The following CATSPER2 variants were observed in gnomAD, a reference collection of about 807,000 sequenced individuals.
The protein encoded by CATSPER2 is cation channel sperm associated 2, also known as cation channel sperm-associated protein 2.
In CATSPER2, 56 loss-of-function variants were observed where a neutral mutation model predicts 68.8. That is an observed-to-expected ratio of 0.81 (90% CI 0.66 to 1.02). The LOEUF (loss-of-function observed/expected upper bound fraction) is 1.02, where lower values mean the gene tolerates loss of function less well. Ranked by LOEUF, CATSPER2 falls within the 50% of genes least tolerant of loss-of-function variation. The probability of loss-of-function intolerance (pLI) is 0.00; values close to 1 mark genes in which losing one functional copy is unlikely to be tolerated. For synonymous variants in CATSPER2, 198 were observed against 229.9 expected (o/e 0.86, Z 1.26); for missense variants, 582 against 642.0 (o/e 0.91, Z 1.01).
intron 4 of CATSPER2, among the ~76,000 whole-genome samples, chr15:43,644,648 G>A: frequency 6.6e-6 from 1 of 151,890 alleles, no homozygotes. Flanking sequence ...TCACAGGAGG[G>A]CGAGCCCTAT....
rs767512321 is a variant in CATSPER2, at chr15:43,647,138, T to C, written c.320-20A>G. ...GAGGACCTGTTGTCTCTTAAGGAAA[T>C]GTACAGAGTGGAGTTCTTTCTGATT... On this transcript the variant is annotated intron_variant, in intron 3 of 12. Transcript: ENST00000396879. 24 of 1,603,148 alleles carry C rather than the reference T, an allele frequency of 1.5e-5. 2 individuals carry two copies. The highest frequency in any genetic ancestry group is 6.7e-5 in the African/African-American group (5 of 74,600).
chr15:43,645,115 G>A (rs779471751), intron 4 of CATSPER2, among the ~76,000 whole-genome samples: 7 of 151,780 alleles, frequency 4.6e-5, no homozygotes, highest in African/African-American at 1.2e-4. Context: ...CTGGAGTTCC[G>A]TTGCATGATG....
At chr15:43,638,509 G>A (rs953034995) in intron 7 of CATSPER2, among the ~76,000 whole-genome samples, 3 of 151,358 alleles carry the variant, frequency 2.0e-5, no homozygotes, top group African/African-American at 4.9e-5. Flanking sequence ...GGATGGTCTC[G>A]ATCTCTTTAC....
Position 43,630,731 on chromosome 15 carries a change from C to T in CATSPER2, c.1563G>A (p.Val521=), listed in dbSNP as rs1166378492. ...EERKKLQEFA[V]QALMNLEDK ...TGTCTTCCAAGTTCATCAGTGCCTG[C>T]ACTGCAAAGGAAACAGATTGTGAGG... The change falls in exon 13 of 13, where the codon GTG becomes GTA. Residue 521 remains valine, a splice_region_variant and synonymous_variant. Coordinates refer to ENST00000396879, the MANE Select transcript of CATSPER2 (RefSeq NM_172095.4). 10 of 1,612,244 alleles carry T rather than the reference C, an allele frequency of 6.2e-6. No homozygotes were observed. Among genetic ancestry groups the T allele is most frequent in the East Asian group, 2.2e-5 (1 of 44,832 alleles).
intron 4 of CATSPER2, among the ~76,000 whole-genome samples, chr15:43,643,887 C>T (rs1567132319): frequency 6.6e-6 from 1 of 151,852 alleles, no homozygotes; most frequent in Non-Finnish European, 1.5e-5. Flanking sequence ...CTTGCTCTGT[C>T]ACCCAGGCTG....
rs953957165 is a variant in CATSPER2 at position 43,634,464 on chromosome 15, C to CCT, written c.1178+895_1178+896insAG. The CCT allele has an allele frequency of 1.6e-4, 25 of 152,072 alleles. 1 individual carries two copies. Among genetic ancestry groups the CCT allele is most frequent in the African/African-American group, 5.8e-4 (24 of 41,446 alleles). The allele number at this position is 152,072 out of a possible 1,614,324, so 9.4% of individuals were successfully genotyped here. On this transcript the variant is annotated intron_variant, in intron 10 of 12. Transcript: ENST00000396879. ...CTCCTGAGCTCAAGTCATCTGCCCA[C>CCT]CAGTTTTCCAAAATGCTGGTATTAC...
Position 43,639,767 on chromosome 15 carries a change from C to G in CATSPER2, c.593G>C (p.Gly198Ala), listed in dbSNP as rs1203218524. 1.2e-6 allele frequency: 2 copies of G among 1,611,554 alleles called. No individual in the cohort carries two copies. ...AAGCCACACCGATTGGCCTGTTACCCCTACCAATACCACAACCTCGGGAAG... is the reference window on the plus strand; with the variant it reads ...AAGCCACACCGATTGGCCTGTTACCGCTACCAATACCACAACCTCGGGAAG... The part of the protein sequence containing the change: ...SLLPEVVVLV[G>A]VTGQSVWLQL... The change falls in exon 6 of 13, where the codon GGG (glycine) becomes GCG (alanine). Residue 198 changes from glycine (G) to alanine (A), a missense_variant. Physicochemically the swap from Gly to Ala is moderately conservative, Grantham distance 60. Transcript: ENST00000396879.
At position 43,635,720 on chromosome 15, in the gene CATSPER2, A is replaced by T; in HGVS notation, c.1121+7T>A. 6.2e-7 allele frequency: 1 copy of T among 1,610,738 alleles called. No individual in the cohort carries two copies. Among genetic ancestry groups the T allele is most frequent in the Non-Finnish European group, 8.5e-7 (1 of 1,177,474 alleles). Reference sequence around the variant, plus strand: ...GGAAAGTTGGGGTTGAAAAGGGAGAAGCAGACCTCTGGATGATCTGCCGCT... The same window carrying T: ...GGAAAGTTGGGGTTGAAAAGGGAGATGCAGACCTCTGGATGATCTGCCGCT... On this transcript the variant is annotated splice_region_variant and intron_variant, in intron 9 of 12. Transcript: ENST00000396879.
intron 10 of CATSPER2, 109 bp downstream of exon 10, chr15:43,635,251 T>C (rs1277487729): frequency 4.0e-6 from 4 of 1,010,662 alleles, no homozygotes; most frequent in South Asian, 1.3e-5. Context: ...TACTACAATA[T>C]GCAGTTATTA....
In CATSPER2 at chr15:43,647,095, T is replaced by A. The variant is rs1296296574; in HGVS notation, c.343A>T (p.Ile115Phe). The stretch of plus-strand genomic sequence containing the variant: ...ATCGTATTCAAAAAGACCAGGAAGA[T>A]GATGAAGTTTTTGAAGAGAGGACCT... The part of the protein sequence containing the change: ...LECPLFKNFI[I>F]FLVFLNTIIL... Residue 115 changes from isoleucine to phenylalanine, a missense_variant, in exon 4 of 13, where the codon ATC becomes TTC. Ile to Phe is a conservative substitution (Grantham distance 21). Coordinates refer to ENST00000396879, the MANE Select transcript of CATSPER2 (RefSeq NM_172095.4). 1 of 1,612,892 alleles carries A rather than the reference T, an allele frequency of 6.2e-7. No homozygotes were observed. The highest frequency in any genetic ancestry group is 8.5e-7 in the Non-Finnish European group (1 of 1,179,130).
intron 4 of CATSPER2, among the ~76,000 whole-genome samples, chr15:43,641,103 G>A (rs973069078): frequency 1.4e-5 from 2 of 146,598 alleles, no homozygotes; most frequent in African/African-American, 5.3e-5. Flanking sequence ...CTTTTGTTTT[G>A]TTTTGTTTTT....
chr15:43,637,711 T>C lies in CATSPER2; in HGVS notation c.842+1193A>G, dbSNP rs1253935918. The C allele has an allele frequency of 2.5e-4, 38 of 152,040 alleles. 1 individual carries two copies. Among genetic ancestry groups the C allele is most frequent in the Non-Finnish European group, 4.9e-4 (33 of 67,946 alleles). 9.4% of individuals were successfully genotyped at this position (152,040 alleles called of 1,614,324 possible). On this transcript the variant is annotated intron_variant, in intron 7 of 12. Coordinates refer to ENST00000396879, the MANE Select transcript of CATSPER2 (RefSeq NM_172095.4). ...TAATCTTCTCTATATCGTTCCAATT[T>C]TAGTACATGTGCTGCCGAAGTGAGC...
intron 7 of CATSPER2, chr15:43,637,786 T>C (rs2085990134): frequency 6.6e-6 from 1 of 151,918 alleles, no homozygotes; most frequent in African/African-American, 2.4e-5. Flanking sequence ...TGTGCATGTG[T>C]AATATGTAGA....
At chr15:43,647,885 A>C in intron 2 of CATSPER2, 32 bp downstream of exon 2, 1 of 1,610,812 alleles carries the variant, frequency 6.2e-7, no homozygotes, top group Non-Finnish European at 8.5e-7. Flanking sequence ...AGGAGTCTTA[A>C]ATTTAAATTA....
intron 4 of CATSPER2, among the ~76,000 whole-genome samples, chr15:43,646,651 T>C (rs2086169536): frequency 6.6e-6 from 1 of 151,644 alleles, no homozygotes; most frequent in African/African-American, 2.4e-5. Flanking sequence ...TCAAATGACA[T>C]TCAAAAATGT....
At chr15:43,635,081 G>T (rs3862140) in intron 10 of CATSPER2, 30 of 490,838 alleles carry the variant, frequency 6.1e-5, no homozygotes, top group South Asian at 2.3e-4. Context: ...CTTTTATAAG[G>T]ACCCTTGCCA....
chr15:43,629,421 T>A lies in CATSPER2; in HGVS notation c.*1280A>T, dbSNP rs1260128535. The A allele has an allele frequency of 7.9e-6, 1 of 126,756 alleles. No homozygotes were observed. The highest frequency in any genetic ancestry group is 1.6e-5 in the Non-Finnish European group (1 of 64,194). The allele number at this position is 126,756 out of a possible 1,614,324, so 7.9% of individuals were successfully genotyped here. ...ATTTCTTTAGGCCTTAGTTTTCTGA[T>A]CTCTAAAAATGTGACGCTATCTTCC... On this transcript the variant is annotated 3_prime_UTR_variant, in exon 13 of 13. Transcript: ENST00000396879.
At position 43,647,054 on chromosome 15, in the gene CATSPER2, T is replaced by A; in HGVS notation, c.384A>T (p.Glu128Asp). ...VFLNTIILMV[E>D]IELLESTNTK... is the part of the protein sequence containing the mutation. ...TCATACAAGGTCAGTTCTCACCTAT[T>A]TCAACCATCAATATGATCGTATTCA... The change falls in exon 4 of 13, where the codon GAA becomes GAT. Residue 128 changes from glutamate (E) to aspartate (D), a missense_variant. Physicochemically the swap from Glu to Asp is conservative, Grantham distance 45. Around this residue, in one of 5 missense-constraint regions of CATSPER2, gnomAD observed 197 missense variants for 191.0 expected, o/e 1.03. Transcript: ENST00000396879. 6.2e-7 allele frequency: 1 copy of A among 1,611,498 alleles called. No homozygotes were observed.
Position 43,639,917 on chromosome 15 carries a change from C to T in CATSPER2, c.562-119G>A, listed in dbSNP as rs2086043216. The T allele has an allele frequency of 1.9e-6, 3 of 1,589,578 alleles. No individual in the cohort carries two copies. The African/African-American group carries it at 4.0e-5, about 21-fold the overall frequency. On this transcript the variant is annotated intron_variant, in intron 5 of 12. Transcript: ENST00000396879. ...GGCGTTATCCCTTGAATAGCATTCTCTGAGAAGTGCTTACTATTCAGCCTT... is the reference window on the plus strand; with the variant it reads ...GGCGTTATCCCTTGAATAGCATTCTTTGAGAAGTGCTTACTATTCAGCCTT...
Sources: gnomAD v4.1 joint callset for allele counts (sites outside exome capture counted in the v4.1 genomes callset) on GRCh38, gnomAD v4.1.1 for gene constraint, gnomAD v4.1.1 regional missense constraint, MANE v1.5 for transcripts, NCBI Gene and HGNC (gene_info 2026-07-23, HGNC 2026-07-21) for gene names.